Variants in CD27 observed in about 807,000 individuals in gnomAD.
CD27 encodes CD27 molecule.
A neutral mutation model predicts 25.9 loss-of-function variants in CD27; 16 were observed. That is an observed-to-expected ratio of 0.62 (90% CI 0.42 to 0.94). CD27 has a LOEUF of 0.94. CD27 is among the 40% of genes least tolerant of loss of function. The probability of loss-of-function intolerance (pLI) is 0.00; values close to 1 mark genes in which losing one functional copy is unlikely to be tolerated. For synonymous variants in CD27, 142 were observed against 124.3 expected, an observed-to-expected ratio of 1.14 and a Z score of -0.95; for missense variants, 300 against 333.2, an observed-to-expected ratio of 0.90 and a Z score of 0.78.
At chr12:6,447,782 C>T (rs1259720520) in intron 2 of CD27, 1 of 151,550 alleles carries the variant, frequency 6.6e-6, no homozygotes, top group Middle Eastern at 3.4e-3. Context: ...ATCCCTCCTC[C>T]CTCCCCACAC....
Position 6,451,542 on chromosome 12 carries a change from G to A in CD27, c.*150G>A, listed in dbSNP as rs910297372. 3.8e-6 allele frequency: 3 copies of A among 795,092 alleles called. No individual in the cohort carries two copies. The highest frequency in any genetic ancestry group is 2.7e-5 in the East Asian group (1 of 36,670). The allele number at this position is 795,092 out of a possible 1,614,324, so 49.3% of individuals were successfully genotyped here. A position where few individuals can be genotyped will look rare whatever the true frequency, so the allele number is the denominator to read the frequency against. Reference sequence around the variant, plus strand: ...TGTACACGTGACAGAGTGCCTTTTCGAGACTGGCAGGGACGAGGACAAATA... The same window carrying A: ...TGTACACGTGACAGAGTGCCTTTTCAAGACTGGCAGGGACGAGGACAAATA... On this transcript the variant is annotated 3_prime_UTR_variant, in exon 6 of 6. Coordinates refer to ENST00000266557, the MANE Select transcript of CD27 (RefSeq NM_001242.5).
chr12:6,450,671 TAC>T lies in CD27; in HGVS notation c.538+44_538+45del, dbSNP rs1565510983. The T allele has an allele frequency of 1.3e-6, 2 of 1,566,806 alleles. No homozygotes were observed. Among genetic ancestry groups the T allele is most frequent in the Non-Finnish European group, 1.8e-6 (2 of 1,142,722 alleles). On this transcript the variant is annotated intron_variant, in intron 4 of 5. Coordinates refer to ENST00000266557, the MANE Select transcript of CD27 (RefSeq NM_001242.5). The surrounding 1 kb of genome is among the most constrained non-coding windows in gnomAD (Gnocchi z 4.1). ...AATCCCCACCGCTAGAGAGAATGCA[TAC>T]ACGAGGGGCCAGGAGGGAAGCCAGA...
Position 6,445,683 on chromosome 12 carries a change from C to A in CD27, c.268+128C>A. ...CTTTGGCCTTCTTCAAGGCTCACAG[C>A]AAGTGGAGCCAATGCTGGGAAATGC... is the stretch of plus-strand genomic sequence containing the variant. On this transcript the variant is annotated intron_variant, in intron 2 of 5. Coordinates refer to ENST00000266557, the MANE Select transcript of CD27 (RefSeq NM_001242.5). The surrounding 1 kb of genome is among the most constrained non-coding windows in gnomAD (Gnocchi z 4.5). 8.2e-7 allele frequency: 1 copy of A among 1,212,416 alleles called. No homozygotes were observed. The highest frequency in any genetic ancestry group is 1.1e-6 in the Non-Finnish European group (1 of 887,630). 75.1% of individuals were successfully genotyped at this position (1,212,416 alleles called of 1,614,324 possible).
chr12:6,446,239 G>GT (rs1949415479), intron 2 of CD27, among the ~76,000 whole-genome samples: 1 of 152,182 alleles, frequency 6.6e-6, no homozygotes, highest in South Asian at 2.1e-4. Context: ...CCAGGTAACT[G>GT]TAACTATTAA....
In CD27 at chr12:6,451,290, G is replaced by A. The variant is rs1949541380; in HGVS notation, c.681G>A (p.Glu227=). ...YRSNKGESPV[E]PAEPCHYSCP... ...CAGACAAAGGAGAAAGTCCTGTGGA[G>A]CCTGCAGAGCCTTGTCATTACAGCT... The change falls in exon 6 of 6, where the codon GAG becomes GAA. Residue 227 remains glutamate, a synonymous_variant. Transcript: ENST00000266557. 8 of 1,613,904 alleles carry A rather than the reference G, an allele frequency of 5.0e-6. No individual in the cohort carries two copies. In the African/African-American group the frequency reaches 9.3e-5, roughly 19 times the overall value.
Position 6,445,644 on chromosome 12 carries a change from T to C in CD27, c.268+89T>C. 6.7e-7 allele frequency: 1 copy of C among 1,491,156 alleles called. No individual in the cohort carries two copies. The highest frequency in any genetic ancestry group is 2.4e-5 in the East Asian group (1 of 42,432). 92.4% of individuals were successfully genotyped at this position (1,491,156 alleles called of 1,614,324 possible). ...GACGGGTTTGGGGGTGCAAGGAGGA[T>C]GACGGGGCCAAAGCTTTGGCCTTCT... is the stretch of plus-strand genomic sequence containing the variant. On this transcript the variant is annotated intron_variant, in intron 2 of 5. Transcript: ENST00000266557. The surrounding 1 kb of genome is among the most constrained non-coding windows in gnomAD (Gnocchi z 4.5).
rs1949496087 is a variant in CD27 at position 6,450,098 on chromosome 12, G to A, written c.269-75G>A. 1 of 1,384,470 alleles carries A rather than the reference G, an allele frequency of 7.2e-7. No homozygotes were observed. Among genetic ancestry groups the A allele is most frequent in the South Asian group, 1.3e-5 (1 of 77,604 alleles). The allele number at this position is 1,384,470 out of a possible 1,614,324, so 85.8% of individuals were successfully genotyped here. Reference sequence around the variant, plus strand: ...GAGGTGGGCCTGGGATGGGGGTTGGGGGATGAAGCAAGTGGACCTTGAAGG... The same window carrying A: ...GAGGTGGGCCTGGGATGGGGGTTGGAGGATGAAGCAAGTGGACCTTGAAGG... On this transcript the variant is annotated intron_variant, in intron 2 of 5. Coordinates refer to ENST00000266557, the MANE Select transcript of CD27 (RefSeq NM_001242.5). The surrounding 1 kb of genome is among the most constrained non-coding windows in gnomAD (Gnocchi z 4.1).
upstream of CD27, among the ~76,000 whole-genome samples, chr12:6,444,133 G>A (rs1949381068): frequency 1.3e-5 from 2 of 152,184 alleles, no homozygotes; most frequent in Non-Finnish European, 2.9e-5. Flanking sequence ...GGAAAGGGGA[G>A]GATAAAGATG....
Position 6,450,730 on chromosome 12 carries a change from G to A in CD27, c.538+100G>A, listed in dbSNP as rs1329414496. ...GCTCCTAGGATTAGGGATAAGAGGA[G>A]GGGAAAAAGCAGAGTCCACTGTTTA... On this transcript the variant is annotated intron_variant, in intron 4 of 5. Coordinates refer to ENST00000266557, the MANE Select transcript of CD27 (RefSeq NM_001242.5). This position sits in a 1 kb window ranked among gnomAD's most constrained non-coding sequence, Gnocchi z 4.1. 3 of 1,420,136 alleles carry A rather than the reference G, an allele frequency of 2.1e-6. No individual in the cohort carries two copies. The highest frequency in any genetic ancestry group is 2.8e-5 in the African/African-American group (2 of 71,028). The allele number at this position is 1,420,136 out of a possible 1,614,324, so 88.0% of individuals were successfully genotyped here. A position where few individuals can be genotyped will look rare whatever the true frequency, so the allele number is the denominator to read the frequency against.
rs1949392136 is a variant in CD27 at position 6,445,003 on chromosome 12, A to AAAG, written c.-88_-86dup. The AAAG allele has an allele frequency of 3.6e-6, 5 of 1,395,148 alleles. No homozygotes were observed. The highest frequency in any genetic ancestry group is 4.7e-6 in the Non-Finnish European group (5 of 1,055,396). 86.4% of individuals were successfully genotyped at this position (1,395,148 alleles called of 1,614,324 possible). A position where few individuals can be genotyped will look rare whatever the true frequency, so the allele number is the denominator to read the frequency against. On this transcript the variant is annotated 5_prime_UTR_variant, in exon 1 of 6. Transcript: ENST00000266557. The surrounding 1 kb of genome is among the most constrained non-coding windows in gnomAD (Gnocchi z 4.5). Reference sequence around the variant, plus strand: ...GAAGCAGCCACTGCCCAGGGGGTGCAAAGAAGAGACAGCAGCGCCCAGCTT... The same window carrying AAAG: ...GAAGCAGCCACTGCCCAGGGGGTGCAAAGAAGAAGAGACAGCAGCGCCCAGCTT...
chr12:6,451,666 A>C lies in CD27; in HGVS notation c.*274A>C. On this transcript the variant is annotated 3_prime_UTR_variant, in exon 6 of 6. Coordinates refer to ENST00000266557, the MANE Select transcript of CD27 (RefSeq NM_001242.5). ...TGTAAAACACACTTCCTGCTGCGAA[A>C]GACCCACATGCTACAAGACGGGCAA... 1 of 422,224 alleles carries C rather than the reference A, an allele frequency of 2.4e-6. No individual in the cohort carries two copies. The highest frequency in any genetic ancestry group is 4.3e-6 in the Non-Finnish European group (1 of 234,220). The allele number at this position is 422,224 out of a possible 1,614,324, so 26.2% of individuals were successfully genotyped here. A position where few individuals can be genotyped will look rare whatever the true frequency, so the allele number is the denominator to read the frequency against.
At chr12:6,449,041 G>A (rs71445108) in intron 2 of CD27, among the ~76,000 whole-genome samples, 3,199 of 152,078 alleles carry the variant, frequency 0.021, 36 homozygotes, top group Middle Eastern at 0.048. Context: ...TGTCACCCAG[G>A]CTGGAGCGCA....
rs1207830084 is a variant in CD27, at chr12:6,451,337, G to C, written c.728G>C (p.Ser243Thr). 6.2e-7 allele frequency: 1 copy of C among 1,613,842 alleles called. No individual in the cohort carries two copies. Among genetic ancestry groups the C allele is most frequent in the Admixed American group, 1.7e-5 (1 of 60,016 alleles). ...HYSCPREEEG[S>T]TIPIQEDYRK... is the part of the protein sequence containing the mutation. ...AGCTGCCCCAGGGAGGAGGAGGGCA[G>C]CACCATCCCCATCCAGGAGGATTAC... The change falls in exon 6 of 6, where the codon AGC (serine) becomes ACC (threonine). Residue 243 changes from serine to threonine, a missense_variant. Coordinates refer to ENST00000266557, the MANE Select transcript of CD27 (RefSeq NM_001242.5).
intron 2 of CD27, among the ~76,000 whole-genome samples, chr12:6,449,934 T>A (rs925395563): frequency 9.2e-5 from 14 of 152,332 alleles, no homozygotes; most frequent in African/African-American, 3.1e-4. Context: ...ATGGTTTCTA[T>A]GTCTGAACCC....
At position 6,445,309 on chromosome 12, in the gene CD27, G is replaced by A. The variant is rs1949399157; in HGVS notation, c.136+78G>A. Reference sequence around the variant, plus strand: ...GGGTTAATACAGTAAATAGGCGCAGGGTGAGACTGAGCTCAAGCAAGGAGG... The same window carrying A: ...GGGTTAATACAGTAAATAGGCGCAGAGTGAGACTGAGCTCAAGCAAGGAGG... On this transcript the variant is annotated intron_variant, in intron 1 of 5. Transcript: ENST00000266557. The surrounding 1 kb of genome is among the most constrained non-coding windows in gnomAD (Gnocchi z 4.5). The A allele has an allele frequency of 5.0e-6, 8 of 1,609,566 alleles. No individual in the cohort carries two copies. In the Admixed American group the frequency reaches 1.3e-4, roughly 27 times the overall value.
In CD27 at chr12:6,451,487, G is replaced by A; in HGVS notation, c.*95G>A. ...GTGAGACCTGGCAGCCACAACTGCAGTCCCATCCTCTTGTCAGGGCCCTTT... is the reference window on the plus strand; with the variant it reads ...GTGAGACCTGGCAGCCACAACTGCAATCCCATCCTCTTGTCAGGGCCCTTT... On this transcript the variant is annotated 3_prime_UTR_variant, in exon 6 of 6. Coordinates refer to ENST00000266557, the MANE Select transcript of CD27 (RefSeq NM_001242.5). The A allele has an allele frequency of 7.5e-7, 1 of 1,332,008 alleles. No homozygotes were observed. Among genetic ancestry groups the A allele is most frequent in the Non-Finnish European group, 1.0e-6 (1 of 964,580 alleles). 82.5% of individuals were successfully genotyped at this position (1,332,008 alleles called of 1,614,324 possible). A position where few individuals can be genotyped will look rare whatever the true frequency, so the allele number is the denominator to read the frequency against.
At chr12:6,449,996 T>A (rs1297131778) in intron 2 of CD27, among the ~76,000 whole-genome samples, 177 bp from the exon 3 acceptor site, 3 of 152,064 alleles carry the variant, frequency 2.0e-5, no homozygotes, top group Non-Finnish European at 4.4e-5. Context: ...ACAATAATAA[T>A]GGCAAAGGCA....
rs1007328935 is a variant in CD27 at position 6,445,712 on chromosome 12, A to G, written c.268+157A>G. Reference sequence around the variant, plus strand: ...TGGAGCCAATGCTGGGAAATGCGGCACCCTAGGTGGGGCATGAATTAACGT... The same window carrying G: ...TGGAGCCAATGCTGGGAAATGCGGCGCCCTAGGTGGGGCATGAATTAACGT... On this transcript the variant is annotated intron_variant, in intron 2 of 5. Transcript: ENST00000266557. The surrounding 1 kb of genome is among the most constrained non-coding windows in gnomAD (Gnocchi z 4.5). Among the ~76,000 whole-genome samples the G allele has an allele frequency of 6.6e-6, 1 of 151,804 alleles. No homozygotes were observed. Among genetic ancestry groups the G allele is most frequent in the African/African-American group, 2.4e-5 (1 of 41,312 alleles).
At chr12:6,449,919 T>G (rs763707709) in intron 2 of CD27, among the ~76,000 whole-genome samples, 1 of 152,222 alleles carries the variant, frequency 6.6e-6, no homozygotes, top group Non-Finnish European at 1.5e-5. Flanking sequence ...CTCTTTCTAC[T>G]TTTCATGGTT....
Sources: gnomAD v4.1 joint callset for allele counts (sites outside exome capture counted in the v4.1 genomes callset) on GRCh38, gnomAD v4.1.1 for gene constraint, Gnocchi (gnomAD v3.1) non-coding constraint, MANE v1.5 for transcripts, NCBI Gene and HGNC (gene_info 2026-07-23, HGNC 2026-07-21) for gene names.